The following SERPING1 variants were observed in gnomAD, a reference collection of about 807,000 sequenced individuals.
The protein encoded by SERPING1 is serpin family G member 1.
In SERPING1, 5 loss-of-function variants were observed where a neutral mutation model predicts 34.1. The observed-to-expected ratio is 0.15, with a 90% CI of 0.08 to 0.31. SERPING1 has a LOEUF of 0.31. SERPING1 is among the 10% of genes least tolerant of loss of function. SERPING1 has a pLI of 1.00. For synonymous variants in SERPING1, 225 were observed against 242.4 expected, an observed-to-expected ratio of 0.93 and a Z score of 0.67; for missense variants, 505 against 609.5, an observed-to-expected ratio of 0.83 and a Z score of 1.81.
intron 2 of SERPING1, among the ~76,000 whole-genome samples, chr11:57,599,326 C>T (rs190141235): frequency 8.6e-4 from 131 of 152,210 alleles, no homozygotes; most frequent in African/African-American, 3.1e-3. Flanking sequence ...GTTTCAGAGC[C>T]GCTGGCCTAT....
rs564199415 is a variant in SERPING1 at position 57,599,863 on chromosome 11, G to A, written c.52-16G>A. 24 of 1,614,128 alleles carry A rather than the reference G, an allele frequency of 1.5e-5. No individual in the cohort carries two copies. In the East Asian group the frequency reaches 5.1e-4, roughly 34 times the overall value. ...CGTAGTAAGAAAAAAATGAAACTCA[G>A]TTTCTTGAACCACAGGATAGAGCCT... On this transcript the variant is annotated splice_polypyrimidine_tract_variant and intron_variant, in intron 2 of 7. Transcript: ENST00000278407.
chr11:57,604,569 C>T (rs1457985109), intron 4 of SERPING1, among the ~76,000 whole-genome samples: 1 of 151,856 alleles, frequency 6.6e-6, no homozygotes, highest in Admixed American at 6.6e-5. Context: ...TTGTGGGCTT[C>T]AGACATGCCT....
chr11:57,610,322 C>T lies in SERPING1; in HGVS notation c.1030-1395C>T, dbSNP rs967373566. 3.3e-5 allele frequency among the ~76,000 whole-genome samples: 5 copies of T among 152,142 alleles called. No homozygotes were observed. In the South Asian group the frequency reaches 6.2e-4, roughly 19 times the overall value. Reference sequence around the variant, plus strand: ...GTGAGATTTACCGGCTCAGGTACACCGAGGTTACTGGCTTGAAAATTCAAG... The same window carrying T: ...GTGAGATTTACCGGCTCAGGTACACTGAGGTTACTGGCTTGAAAATTCAAG... On this transcript the variant is annotated intron_variant, in intron 6 of 7. Transcript: ENST00000278407.
intron 4 of SERPING1, among the ~76,000 whole-genome samples, chr11:57,604,399 C>T (rs192392763): frequency 1.1e-4 from 16 of 152,152 alleles, no homozygotes; most frequent in African/African-American, 2.2e-4. Flanking sequence ...CTTTGTTCCT[C>T]GGAGCCCTAG....
intron 7 of SERPING1, among the ~76,000 whole-genome samples, chr11:57,614,070 G>A (rs1189585208): frequency 6.6e-6 from 1 of 152,066 alleles, no homozygotes; most frequent in Non-Finnish European, 1.5e-5. Context: ...GAGATAAGGA[G>A]GCAATGACAT....
At chr11:57,611,352 C>A in intron 6 of SERPING1, 1 of 320,368 alleles carries the variant, frequency 3.1e-6, no homozygotes, top group South Asian at 3.4e-5. Context: ...AGAGGCTGAC[C>A]TGATAACTCT....
At chr11:57,606,837 T>C (rs990530187) in intron 6 of SERPING1, 2 of 626,118 alleles carry the variant, frequency 3.2e-6, no homozygotes, top group African/African-American at 3.6e-5. Context: ...TGTTTCTTTT[T>C]CCAGTCAACT....
chr11:57,601,401 CA>C (rs34815456), intron 3 of SERPING1, among the ~76,000 whole-genome samples: 42 of 143,250 alleles, frequency 2.9e-4, no homozygotes, highest in Admixed American at 1.0e-3. Flanking sequence ...GACTCTGTCT[CA>C]AAAAAAAAAA....
chr11:57,600,024 C>G lies in SERPING1; in HGVS notation c.197C>G (p.Pro66Arg), dbSNP rs771637963. 5.0e-6 allele frequency: 8 copies of G among 1,614,080 alleles called. No homozygotes were observed. Among genetic ancestry groups the G allele is most frequent in the Non-Finnish European group, 5.1e-6 (6 of 1,180,022 alleles). The part of the protein sequence containing the change: ...VEPILEVSSL[P>R]TTNSTTNSAT... ...CCCATCCTGGAGGTTTCCAGCTTGC[C>G]GACAACCAACTCAACAACCAATTCA... The change falls in exon 3 of 8, where the codon CCG becomes CGG. Residue 66 changes from proline to arginine, a missense_variant. Transcript: ENST00000278407.
At chr11:57,598,853 T>C (rs549939958) in intron 2 of SERPING1, among the ~76,000 whole-genome samples, 31 of 151,982 alleles carry the variant, frequency 2.0e-4, no homozygotes, top group African/African-American at 7.5e-4. Flanking sequence ...GTCCCAGTGG[T>C]CTGGGAGGTC....
At chr11:57,602,699 G>A (rs1945362946) in intron 4 of SERPING1, among the ~76,000 whole-genome samples, 1 of 149,152 alleles carries the variant, frequency 6.7e-6, no homozygotes, top group African/African-American at 2.5e-5. Context: ...AGGTTGCAGT[G>A]AGCCGAGATG....
rs1450065184 is a variant in SERPING1 at position 57,614,712 on chromosome 11, C to T, written c.*131C>T. On this transcript the variant is annotated 3_prime_UTR_variant, in exon 8 of 8. Coordinates refer to ENST00000278407, the MANE Select transcript of SERPING1 (RefSeq NM_000062.3). ...AGGTGTCCGCTATCCACCAAAAGGG[C>T]TCCCTGAGGGTCTGGGCAAGGGACC... is the stretch of plus-strand genomic sequence containing the variant. 6.3e-6 allele frequency: 7 copies of T among 1,111,434 alleles called. No homozygotes were observed. Among genetic ancestry groups the T allele is most frequent in the African/African-American group, 4.7e-5 (3 of 63,980 alleles). 68.8% of individuals were successfully genotyped at this position (1,111,434 alleles called of 1,614,324 possible). A position where few individuals can be genotyped will look rare whatever the true frequency, so the allele number is the denominator to read the frequency against.
At position 57,598,269 on chromosome 11, in the gene SERPING1, A is replaced by T. The variant is rs754174303; in HGVS notation, c.-2A>T. ...CGCAGGTCCGCTGACGTCGCCGCCC[A>T]GATGGCCTCCAGGCTGACCCTGCTG... On this transcript the variant is annotated 5_prime_UTR_variant, in exon 2 of 8. Transcript: ENST00000278407. 9 of 1,552,576 alleles carry T rather than the reference A, an allele frequency of 5.8e-6. No homozygotes were observed. Among genetic ancestry groups the T allele is most frequent in the Non-Finnish European group, 7.8e-6 (9 of 1,147,514 alleles).
intron 6 of SERPING1, among the ~76,000 whole-genome samples, chr11:57,608,886 T>C (rs1404014741): frequency 6.6e-6 from 1 of 151,974 alleles, no homozygotes; most frequent in African/African-American, 2.4e-5. Context: ...TTAGAGTTCC[T>C]TAGGTTTTAA....
At chr11:57,605,720 G>A (rs941560321) in intron 4 of SERPING1, 1 of 449,466 alleles carries the variant, frequency 2.2e-6, no homozygotes, top group African/African-American at 2.0e-5. Flanking sequence ...GGAAAATCTA[G>A]GCAAATGGAA....
intron 4 of SERPING1, among the ~76,000 whole-genome samples, chr11:57,605,302 C>A (rs1945396281): frequency 6.9e-6 from 1 of 144,558 alleles, no homozygotes; most frequent in South Asian, 2.2e-4. Flanking sequence ...GGGAAAATAT[C>A]TTTTTTTTTT....
At chr11:57,601,949 A>G in intron 3 of SERPING1, 86 bp from the exon 4 acceptor site, 4 of 1,510,704 alleles carry the variant, frequency 2.6e-6, no homozygotes, top group Non-Finnish European at 3.7e-6. Flanking sequence ...AATACCCTCC[A>G]TTCCAGCCTG....
intron 2 of SERPING1, 151 bp from the exon 3 acceptor site, chr11:57,599,728 T>C (rs2135307763): frequency 9.5e-7 from 1 of 1,056,412 alleles, no homozygotes; most frequent in South Asian, 1.4e-5. Context: ...GTGGTGGTTC[T>C]AAGACAGATT....
chr11:57,609,592 A>G (rs960953113), intron 6 of SERPING1, among the ~76,000 whole-genome samples: 1 of 152,106 alleles, frequency 6.6e-6, no homozygotes, highest in East Asian at 1.9e-4. Context: ...AAAAAAAAAA[A>G]TAGGGTGATT....
Sources: gnomAD v4.1 joint callset for allele counts (sites outside exome capture counted in the v4.1 genomes callset) on GRCh38, gnomAD v4.1.1 for gene constraint, MANE v1.5 for transcripts, NCBI Gene and HGNC (gene_info 2026-07-23, HGNC 2026-07-21) for gene names.